ARL1: variants seen among roughly 807,000 people sequenced by gnomAD.
The protein encoded by ARL1 is ADP-ribosylation factor-like protein 1.
Under a neutral mutation model 30.1 loss-of-function variants are expected in ARL1, and 17 were observed. The observed-to-expected ratio is 0.56, with a 90% CI of 0.39 to 0.85. The LOEUF is 0.85. Among genes scored for constraint, ARL1 ranks in the 40% least tolerant of loss-of-function variants. The probability of loss-of-function intolerance (pLI) is 0.00; values close to 1 mark genes in which losing one functional copy is unlikely to be tolerated. For missense variants in ARL1, 102 were observed against 212.6 expected, an observed-to-expected ratio of 0.48 and a Z score of 3.24; for synonymous variants, 58 against 71.7, an observed-to-expected ratio of 0.81 and a Z score of 0.97.
chr12:101,405,078 T>C (rs575702565), intron 2 of ARL1, among the ~76,000 whole-genome samples: 48 of 152,176 alleles, frequency 3.2e-4, no homozygotes, highest in Admixed American at 1.1e-3. Flanking sequence ...TCCATGTTGG[T>C]TGGGCTGGTC....
chr12:101,400,211 G>C (rs1871266343), intron 4 of ARL1: 1 of 151,866 alleles, frequency 6.6e-6, no homozygotes, highest in Non-Finnish European at 1.5e-5. Flanking sequence ...GGGATTACAG[G>C]CGTGAGCCAC....
intron 5 of ARL1, 27 bp downstream of exon 5, chr12:101,396,372 G>T: frequency 6.2e-7 from 1 of 1,613,892 alleles, no homozygotes; most frequent in Non-Finnish European, 8.5e-7. Context: ...CAAATGCACA[G>T]ATGGCTTCTG....
intron 4 of ARL1, among the ~76,000 whole-genome samples, chr12:101,397,864 C>T (rs1158097481): frequency 6.6e-6 from 1 of 152,090 alleles, no homozygotes; most frequent in Non-Finnish European, 1.5e-5. Flanking sequence ...TACGAATTGC[C>T]TTTTGCTCAT....
intron 2 of ARL1, among the ~76,000 whole-genome samples, chr12:101,404,421 G>A (rs1871384787): frequency 6.6e-6 from 1 of 152,204 alleles, no homozygotes; most frequent in African/African-American, 2.4e-5. Flanking sequence ...AGCACTCACT[G>A]AAACTCCAAA....
chr12:101,401,388 G>A (rs1255620156), intron 3 of ARL1: 3 of 363,624 alleles, frequency 8.3e-6, no homozygotes, highest in Non-Finnish European at 1.5e-5. Context: ...TGTAATCCCA[G>A]CATTTTAGGA....
intron 2 of ARL1, among the ~76,000 whole-genome samples, chr12:101,405,307 A>C (rs1871409563): frequency 6.6e-6 from 1 of 152,198 alleles, no homozygotes. Flanking sequence ...AAAAAAAGGC[A>C]CTTCACATGT....
chr12:101,407,313 ACT>A (rs1431362771), intron 1 of ARL1: 2 of 339,612 alleles, frequency 5.9e-6, no homozygotes, highest in Non-Finnish European at 1.1e-5. Flanking sequence ...CGCAAGAACA[ACT>A]CTGCCCAGCA....
At chr12:101,407,495 T>G in intron 1 of ARL1, 147 bp downstream of exon 1, 1 of 1,046,928 alleles carries the variant, frequency 9.6e-7, no homozygotes. Context: ...CAGATGAAGA[T>G]CCAAAGTGAG....
chr12:101,399,309 C>T (rs1456827397), intron 4 of ARL1, among the ~76,000 whole-genome samples: 2 of 151,856 alleles, frequency 1.3e-5, no homozygotes, highest in Non-Finnish European at 2.9e-5. Context: ...GTCAGGAGTT[C>T]GAGACCAGCC....
At chr12:101,396,276 A>G in intron 5 of ARL1, 123 bp downstream of exon 5, 4 of 1,286,940 alleles carry the variant, frequency 3.1e-6, no homozygotes, top group Non-Finnish European at 4.5e-6. Flanking sequence ...TGAGGAACTT[A>G]TGAAATAAGC....
chr12:101,404,022 A>C (rs948975956), intron 2 of ARL1, among the ~76,000 whole-genome samples: 1 of 152,188 alleles, frequency 6.6e-6, no homozygotes, highest in South Asian at 2.1e-4. Flanking sequence ...TTTGTTTTAT[A>C]TTTAAGTCTG....
chr12:101,404,510 C>T (rs564896323), intron 2 of ARL1, among the ~76,000 whole-genome samples: 9 of 152,270 alleles, frequency 5.9e-5, no homozygotes, highest in African/African-American at 1.7e-4. Context: ...AAACTAAGGG[C>T]ACTAAAATTT....
At chr12:101,396,376 G>C (rs1276618844) in intron 5 of ARL1, 23 bp downstream of exon 5, 3 of 1,613,818 alleles carry the variant, frequency 1.9e-6, no homozygotes, top group Non-Finnish European at 2.5e-6. Context: ...TGCACAGATG[G>C]CTTCTGGAAG....
chr12:101,396,292 A>C (rs1179904079), intron 5 of ARL1, 107 bp downstream of exon 5: 1 of 1,411,014 alleles, frequency 7.1e-7, no homozygotes, highest in Non-Finnish European at 1.0e-6. Context: ...TAAGCTGCTA[A>C]GTAAATCAAA....
rs1264022651 is a variant in ARL1 at position 101,395,338 on chromosome 12, A to C, written c.*302T>G. ...TTCAAAAATAGGTTTTTTTCATCCA[A>C]TAGGAGTATACTCTTTAATAGAACT... is the stretch of plus-strand genomic sequence containing the variant. On this transcript the variant is annotated 3_prime_UTR_variant, in exon 6 of 6. Coordinates refer to ENST00000261636, the MANE Select transcript of ARL1 (RefSeq NM_001177.6). The C allele has an allele frequency of 3.6e-6, 1 of 281,344 alleles. No individual in the cohort carries two copies. The highest frequency in any genetic ancestry group is 5.2e-5 in the Admixed American group (1 of 19,378). The allele number at this position is 281,344 out of a possible 1,614,324, so 17.4% of individuals were successfully genotyped here.
chr12:101,403,251 C>T, intron 2 of ARL1: 1 of 452,614 alleles, frequency 2.2e-6, no homozygotes, highest in Non-Finnish European at 4.3e-6. Context: ...TAAAAGCCAG[C>T]AGTTCTGCAA....
In ARL1 at chr12:101,394,755, C is replaced by T. The variant is rs1187353075; in HGVS notation, c.*885G>A. 6.6e-6 allele frequency: 1 copy of T among 152,056 alleles called. No individual in the cohort carries two copies. The highest frequency in any genetic ancestry group is 1.5e-5 in the Non-Finnish European group (1 of 68,002). The allele number at this position is 152,056 out of a possible 1,614,324, so 9.4% of individuals were successfully genotyped here. On this transcript the variant is annotated 3_prime_UTR_variant, in exon 6 of 6. Coordinates refer to ENST00000261636, the MANE Select transcript of ARL1 (RefSeq NM_001177.6). ...TAGTATAGACAAATAAATTTATAAACATTATTTTGAATGTAACTAATTAGC... is the reference window on the plus strand; with the variant it reads ...TAGTATAGACAAATAAATTTATAAATATTATTTTGAATGTAACTAATTAGC...
At chr12:101,402,467 G>C (rs995595312) in intron 3 of ARL1, among the ~76,000 whole-genome samples, 1 of 152,166 alleles carries the variant, frequency 6.6e-6, no homozygotes, top group African/African-American at 2.4e-5. Flanking sequence ...GATTACAGGC[G>C]TGAGCTACCA....
chr12:101,400,755 A>G (rs571937362), intron 4 of ARL1, among the ~76,000 whole-genome samples: 2 of 152,346 alleles, frequency 1.3e-5, no homozygotes, highest in Admixed American at 6.5e-5. Context: ...CTAAAAATAA[A>G]AAGACATATT....
Sources: allele counts gnomAD v4.1 joint callset (sites outside exome capture counted in the v4.1 genomes callset), GRCh38; gene constraint gnomAD v4.1.1; transcripts MANE v1.5; gene names NCBI Gene and HGNC (gene_info 2026-07-23, HGNC 2026-07-21).